The following RYR2 variants were observed in gnomAD, a reference collection of about 807,000 sequenced individuals.
RYR2 encodes ryanodine receptor 2, also known as cardiac muscle ryanodine receptor-calcium release channel.
RYR2 carries 227 observed loss-of-function variants against 601.1 expected under a neutral mutation model. The ratio of observed to expected loss-of-function variants is 0.38; its 90% confidence interval spans 0.34 to 0.42. RYR2 has a LOEUF of 0.42. Among genes scored for constraint, RYR2 ranks in the 10% least tolerant of loss-of-function variants. The pLI, the probability that RYR2 is intolerant of heterozygous loss-of-function variation, is 1.00. For synonymous variants in RYR2, 2,223 were observed against 2,175.1 expected (o/e 1.02, Z -0.61); for missense variants, 4,646 against 6,156.5 (o/e 0.75, Z 8.21).
intron 1 of RYR2, among the ~76,000 whole-genome samples, chr1:237,240,522 A>G (rs1264937813): frequency 1.3e-5 from 2 of 152,064 alleles, no homozygotes; most frequent in African/African-American, 2.4e-5. Flanking sequence ...CTATAAACCA[A>G]ACTTATTTTC....
intron 19 of RYR2, among the ~76,000 whole-genome samples, chr1:237,495,338 T>C (rs2010032): frequency 0.58 from 88,362 of 151,572 alleles, 26,308 homozygotes; most frequent in African/African-American, 0.71. Context: ...CTTCCAACTG[T>C]ACTTCCAACC....
intron 1 of RYR2, among the ~76,000 whole-genome samples, chr1:237,160,980 C>T (rs1013176564): frequency 4.6e-5 from 7 of 152,008 alleles, no homozygotes; most frequent in Non-Finnish European, 7.4e-5. Context: ...GTACGGCCCA[C>T]GGCAGTTGTT....
At chr1:237,518,692 G>A (rs1666800604) in intron 24 of RYR2, among the ~76,000 whole-genome samples, 1 of 152,046 alleles carries the variant, frequency 6.6e-6, no homozygotes, top group Non-Finnish European at 1.5e-5. Context: ...CCATTTCTTT[G>A]CTGATGTGAA....
intron 12 of RYR2, among the ~76,000 whole-genome samples, chr1:237,430,481 G>C (rs1336760591): frequency 6.6e-6 from 1 of 151,962 alleles, no homozygotes; most frequent in African/African-American, 2.4e-5. Context: ...TGATTTTATG[G>C]TAGTTGTGGA....
At chr1:237,708,776 A>T in intron 68 of RYR2, 82 bp from the exon 69 acceptor site, 1 of 1,260,846 alleles carries the variant, frequency 7.9e-7, no homozygotes, top group East Asian at 2.5e-5. Flanking sequence ...GGCTTTAATT[A>T]TGTTACAATT....
Position 237,277,733 on chromosome 1 carries a change from T to C in RYR2, c.168+7117T>C, listed in dbSNP as rs568552398. 2.0e-5 allele frequency among the ~76,000 whole-genome samples: 3 copies of C among 152,238 alleles called. No homozygotes were observed. In the South Asian group the frequency reaches 6.2e-4, roughly 32 times the overall value. On this transcript the variant is annotated intron_variant, in intron 2 of 104. Coordinates refer to ENST00000366574, the MANE Select transcript of RYR2 (RefSeq NM_001035.3). ...TACTCAGGAGGCTGAGGCAGGAGGA[T>C]TGCTTGAGCCTAACAGTTTGAGGCT...
rs184272221 is a variant in RYR2, at chr1:237,380,576, C to T, written c.576+3141C>T. Among the ~76,000 whole-genome samples the T allele has an allele frequency of 8.4e-4, 127 of 150,750 alleles. 1 individual carries two copies. Among genetic ancestry groups the T allele is most frequent in the Non-Finnish European group, 1.6e-3 (109 of 67,666 alleles). ...CTGGAATCCAACAAGGCTCGTAGTT[C>T]TGTGAATGGCACATAAAAATTATTT... On this transcript the variant is annotated intron_variant, in intron 8 of 104. Transcript: ENST00000366574.
chr1:237,727,216 T>C lies in RYR2; in HGVS notation c.10838+17T>C. On this transcript the variant is annotated intron_variant, in intron 76 of 104. Transcript: ENST00000366574. ...TCTGCCAAGGTCGGAATTACTTTAT[T>C]TTTTGTAATAGATCAATGTTATTTT... The C allele has an allele frequency of 8.0e-7, 1 of 1,248,068 alleles. No individual in the cohort carries two copies. The highest frequency in any genetic ancestry group is 1.1e-6 in the Non-Finnish European group (1 of 884,376). The allele number at this position is 1,248,068 out of a possible 1,614,324, so 77.3% of individuals were successfully genotyped here. A position where few individuals can be genotyped will look rare whatever the true frequency, so the allele number is the denominator to read the frequency against.
At chr1:237,208,978 A>G (rs376498117) in intron 1 of RYR2, among the ~76,000 whole-genome samples, 30 of 88,674 alleles carry the variant, frequency 3.4e-4, no homozygotes, top group South Asian at 5.0e-4. Context: ...ATATATATAT[A>G]TATATATGTA....
intron 1 of RYR2, among the ~76,000 whole-genome samples, chr1:237,073,981 G>A (rs751792355): frequency 4.0e-5 from 6 of 149,976 alleles, no homozygotes; most frequent in East Asian, 1.9e-4. Context: ...TTTCCTTTTC[G>A]TCGTATTTTT....
intron 1 of RYR2, among the ~76,000 whole-genome samples, chr1:237,197,588 C>T (rs968034458): frequency 2.6e-5 from 4 of 152,016 alleles, no homozygotes; most frequent in South Asian, 2.1e-4. Context: ...GATGCACTTA[C>T]GTGGGTGTGA....
chr1:237,535,433 A>G lies in RYR2; in HGVS notation c.2906+4923A>G, dbSNP rs191924566. On this transcript the variant is annotated intron_variant, in intron 25 of 104. Transcript: ENST00000366574. ...AATATCAAAACTGATCCAATAAGAA[A>G]GAAAATACGAATAGAGCTATAACTA... 5.3e-5 allele frequency among the ~76,000 whole-genome samples: 8 copies of G among 152,142 alleles called. No individual in the cohort carries two copies. In the East Asian group the frequency reaches 1.2e-3, roughly 22 times the overall value.
intron 24 of RYR2, among the ~76,000 whole-genome samples, chr1:237,520,758 A>G (rs924420627): frequency 6.6e-6 from 1 of 152,174 alleles, no homozygotes; most frequent in Non-Finnish European, 1.5e-5. Flanking sequence ...ATCAGTGGCC[A>G]GGTGCGGTGG....
rs1379256010 is a variant in RYR2 at position 237,590,650 on chromosome 1, T to A, written c.3818T>A (p.Ile1273Lys). Residue 1273 changes from isoleucine to lysine, a missense_variant, in exon 31 of 105, where the codon ATA becomes AAA. Physicochemically the swap from Ile to Lys is moderately radical, Grantham distance 102. Around this residue, in one of 17 missense-constraint regions of RYR2, gnomAD observed 1,807 missense variants for 2,088.1 expected, o/e 0.87. Transcript: ENST00000366574. ...SNHEHIEVTR[I>K]DGTIDSSPCL... ...TTCTTCGTTTGCTAGGTGACCAGAA[T>A]AGACGGCACCATAGACAGTTCCCCA... The A allele has an allele frequency of 6.6e-7, 1 of 1,524,992 alleles. No individual in the cohort carries two copies. The highest frequency in any genetic ancestry group is 8.8e-7 in the Non-Finnish European group (1 of 1,137,444). The allele number at this position is 1,524,992 out of a possible 1,614,324, so 94.5% of individuals were successfully genotyped here. A position where few individuals can be genotyped will look rare whatever the true frequency, so the allele number is the denominator to read the frequency against.
At chr1:237,577,172 A>G (rs575448966) in intron 29 of RYR2, among the ~76,000 whole-genome samples, 117 of 152,322 alleles carry the variant, frequency 7.7e-4, no homozygotes, top group South Asian at 4.1e-4. Flanking sequence ...TAGGAGCACT[A>G]TTCACAATTG....
chr1:237,147,858 G>A (rs1002677196), intron 1 of RYR2, among the ~76,000 whole-genome samples: 1 of 152,210 alleles, frequency 6.6e-6, no homozygotes, highest in Non-Finnish European at 1.5e-5. Context: ...AGCTTCTTAT[G>A]TTGGGATAAC....
rs142304279 is a variant in RYR2 at position 237,148,563 on chromosome 1, CAT to C, written c.48+106008_48+106009del. ...ATATATATATATATATACACACACA[CAT>C]ATATATATATATACACACACATATA... On this transcript the variant is annotated intron_variant, in intron 1 of 104. Coordinates refer to ENST00000366574, the MANE Select transcript of RYR2 (RefSeq NM_001035.3). 1.2e-3 allele frequency among the ~76,000 whole-genome samples: 96 copies of C among 82,342 alleles called. 2 individuals are homozygous for C. Among genetic ancestry groups the C allele is most frequent in the Admixed American group, 3.1e-3 (25 of 7,940 alleles). 54.0% of individuals were successfully genotyped at this position (82,342 alleles called of 152,430 possible).
At chr1:237,051,243 C>T (rs1411830603) in intron 1 of RYR2, among the ~76,000 whole-genome samples, 8 of 118,328 alleles carry the variant, frequency 6.8e-5, no homozygotes, top group Admixed American at 1.7e-4. Flanking sequence ...CTTTCCCTCC[C>T]CTTCCCCTCC....
chr1:237,639,210 A>G lies in RYR2; in HGVS notation c.7115+9A>G, dbSNP rs2148728882. On this transcript the variant is annotated intron_variant, in intron 46 of 104. Coordinates refer to ENST00000366574, the MANE Select transcript of RYR2 (RefSeq NM_001035.3). ...GGATCCAGTAAAACACTGTAGGTCT[A>G]ATATACACACCCTCACGAGTGATCC... The G allele has an allele frequency of 6.2e-7, 1 of 1,605,986 alleles. No homozygotes were observed. The highest frequency in any genetic ancestry group is 8.5e-7 in the Non-Finnish European group (1 of 1,174,740).
Sources: gnomAD v4.1 joint callset for allele counts (sites outside exome capture counted in the v4.1 genomes callset) on GRCh38, gnomAD v4.1.1 for gene constraint, gnomAD v4.1.1 regional missense constraint, MANE v1.5 for transcripts, NCBI Gene and HGNC (gene_info 2026-07-23, HGNC 2026-07-21) for gene names.